Variants in CFAP299 observed in about 807,000 individuals in gnomAD.
CFAP299 encodes cilia and flagella associated protein 299.
A neutral mutation model predicts 27.0 loss-of-function variants in CFAP299; 21 were observed. That is an observed-to-expected ratio of 0.78 (90% CI 0.55 to 1.12). The LOEUF is 1.12. Among genes scored for constraint, CFAP299 ranks in the 50% most tolerant of loss-of-function variants. The pLI is 0.00. For synonymous variants in CFAP299, 104 were observed against 98.1 expected (o/e 1.06, Z -0.36); for missense variants, 310 against 276.6 (o/e 1.12, Z -0.86).
intron 3 of CFAP299, among the ~76,000 whole-genome samples, chr4:80,655,136 A>G (rs1005564144): frequency 1.3e-5 from 2 of 152,130 alleles, no homozygotes; most frequent in Non-Finnish European, 2.9e-5. Context: ...TTTGTGTACT[A>G]TACAGAATAA....
At chr4:80,686,879 C>A (rs1433442664) in intron 3 of CFAP299, among the ~76,000 whole-genome samples, 2 of 152,150 alleles carry the variant, frequency 1.3e-5, no homozygotes, top group African/African-American at 4.8e-5. Flanking sequence ...CAGCTGAAAC[C>A]TCCTGACTGA....
intron 2 of CFAP299, among the ~76,000 whole-genome samples, chr4:80,549,102 G>A (rs933031735): frequency 4.6e-5 from 7 of 152,138 alleles, no homozygotes; most frequent in Middle Eastern, 6.8e-3. Context: ...ATTAAGACAG[G>A]TTTGTGATTT....
intron 3 of CFAP299, among the ~76,000 whole-genome samples, chr4:80,633,101 C>T (rs551009827): frequency 3.3e-5 from 5 of 152,156 alleles, no homozygotes; most frequent in Admixed American, 6.5e-5. Context: ...TTTCTTCTTA[C>T]AAGTGAGAAA....
At chr4:80,538,567 T>C (rs1733856095) in intron 2 of CFAP299, among the ~76,000 whole-genome samples, 1 of 152,102 alleles carries the variant, frequency 6.6e-6, no homozygotes, top group Non-Finnish European at 1.5e-5. Flanking sequence ...ATTTTTTATC[T>C]TTTATACTGT....
At chr4:80,430,588 C>G (rs566696544) in intron 2 of CFAP299, among the ~76,000 whole-genome samples, 7 of 152,172 alleles carry the variant, frequency 4.6e-5, no homozygotes, top group African/African-American at 1.7e-4. Context: ...AATACACTCT[C>G]TAACAACTTC....
chr4:80,846,465 G>A (rs1277435993), intron 3 of CFAP299, among the ~76,000 whole-genome samples: 1 of 152,046 alleles, frequency 6.6e-6, no homozygotes, highest in African/African-American at 2.4e-5. Flanking sequence ...TCCCTCTAAG[G>A]CATAGTATGA....
intron 3 of CFAP299, among the ~76,000 whole-genome samples, chr4:80,750,726 A>G (rs1380868952): frequency 6.6e-6 from 1 of 152,210 alleles, no homozygotes; most frequent in Non-Finnish European, 1.5e-5. Context: ...ATCAGATAAA[A>G]AATGTGCTTT....
intron 3 of CFAP299, among the ~76,000 whole-genome samples, chr4:80,767,429 G>A (rs1725939526): frequency 6.6e-6 from 1 of 152,030 alleles, no homozygotes; most frequent in South Asian, 2.1e-4. Context: ...CTAACATGGT[G>A]AAACCCTGTC....
intron 1 of CFAP299, among the ~76,000 whole-genome samples, chr4:80,347,470 A>C (rs1489752369): frequency 4.6e-5 from 7 of 152,156 alleles, no homozygotes; most frequent in Non-Finnish European, 8.8e-5. Flanking sequence ...AATTGCTAAC[A>C]TTCCTATACA....
rs547923195 is a variant in CFAP299 at position 80,591,821 on chromosome 4, T to C, written c.333+8638T>C. Among the ~76,000 whole-genome samples the C allele has an allele frequency of 8.5e-5, 13 of 152,334 alleles. No homozygotes were observed. The South Asian group carries it at 1.9e-3, about 22-fold the overall frequency. On this transcript the variant is annotated intron_variant, in intron 3 of 5. Transcript: ENST00000358105. ...ACTGCAGGACCATTTCAATAAATCCTCCATTTTGCTTAGAGTTCAATTTGT... is the reference window on the plus strand; with the variant it reads ...ACTGCAGGACCATTTCAATAAATCCCCCATTTTGCTTAGAGTTCAATTTGT...
chr4:80,888,222 G>C (rs999903959), intron 4 of CFAP299, among the ~76,000 whole-genome samples: 2 of 151,934 alleles, frequency 1.3e-5, no homozygotes, highest in African/African-American at 4.8e-5. Flanking sequence ...AAGGGTCAAC[G>C]ATCCGCTGCC....
At chr4:80,569,258 T>C (rs944236518) in intron 2 of CFAP299, among the ~76,000 whole-genome samples, 2 of 152,124 alleles carry the variant, frequency 1.3e-5, no homozygotes, top group African/African-American at 2.4e-5. Flanking sequence ...ATTTTGGATG[T>C]GAACAGGGAG....
chr4:80,390,274 G>T (rs566813997), intron 2 of CFAP299, among the ~76,000 whole-genome samples: 183 of 151,432 alleles, frequency 1.2e-3, no homozygotes, highest in African/African-American at 4.2e-3. Flanking sequence ...GACATCTCCC[G>T]ATTTACCCTA....
chr4:80,431,383 TCTTCCTCCCTCTCTTCCTTTCTTC>T (rs941149690), intron 2 of CFAP299, among the ~76,000 whole-genome samples: 4 of 141,366 alleles, frequency 2.8e-5, no homozygotes, highest in African/African-American at 7.6e-5. Flanking sequence ...TTCCTTCCCT[TCTTCCTCCCTCTCTTCCTTTCTTC>T]CTTCCTCCCT....
intron 2 of CFAP299, among the ~76,000 whole-genome samples, chr4:80,517,193 C>G (rs1342169293): frequency 6.6e-6 from 1 of 152,076 alleles, no homozygotes; most frequent in Non-Finnish European, 1.5e-5. Flanking sequence ...AGCCAATGTT[C>G]AGCAGCACTT....
intron 3 of CFAP299, among the ~76,000 whole-genome samples, chr4:80,816,859 G>GA (rs1729446732): frequency 6.6e-6 from 1 of 152,036 alleles, no homozygotes; most frequent in Non-Finnish European, 1.5e-5. Flanking sequence ...AAAAATGCAA[G>GA]AAAACCTCAT....
At chr4:80,632,347 T>C (rs1295235718) in intron 3 of CFAP299, among the ~76,000 whole-genome samples, 1 of 152,184 alleles carries the variant, frequency 6.6e-6, no homozygotes, top group African/African-American at 2.4e-5. Flanking sequence ...AATTTGCTCA[T>C]TCATTCAATA....
chr4:80,392,052 A>G (rs143959558), intron 2 of CFAP299, among the ~76,000 whole-genome samples: 159 of 152,298 alleles, frequency 1.0e-3, no homozygotes, highest in Non-Finnish European at 1.8e-3. Flanking sequence ...TGACTTCCCT[A>G]TTGGATTTCT....
At chr4:80,832,021 A>G (rs1400914503) in intron 3 of CFAP299, among the ~76,000 whole-genome samples, 1 of 152,160 alleles carries the variant, frequency 6.6e-6, no homozygotes, top group Non-Finnish European at 1.5e-5. Flanking sequence ...TTTCCAAATA[A>G]GGCTTCCATA....
Sources: gnomAD v4.1 joint callset for allele counts (sites outside exome capture counted in the v4.1 genomes callset) on GRCh38, gnomAD v4.1.1 for gene constraint, MANE v1.5 for transcripts, NCBI Gene and HGNC (gene_info 2026-07-23, HGNC 2026-07-21) for gene names.